Variants in AKAP9 observed in about 807,000 individuals in gnomAD.
The protein encoded by AKAP9 is A-kinase anchoring protein 9.
Under a neutral mutation model 488.5 loss-of-function variants are expected in AKAP9, and 311 were observed. The observed-to-expected ratio is 0.64, with a 90% CI of 0.58 to 0.70. The LOEUF (loss-of-function observed/expected upper bound fraction) is 0.70. Ranked by LOEUF, AKAP9 falls within the 30% of genes least tolerant of loss-of-function variation. The pLI is 0.00. For synonymous variants in AKAP9, 1,462 were observed against 1,483.5 expected (o/e 0.99, Z 0.33); for missense variants, 4,215 against 4,374.5 (o/e 0.96, Z 1.03).
intron 30 of AKAP9, among the ~76,000 whole-genome samples, chr7:92,078,778 G>C (rs996520282): frequency 2.6e-5 from 4 of 152,086 alleles, no homozygotes; most frequent in Admixed American, 2.6e-4. Context: ...GCCATCGGTT[G>C]TAGACTTTAT....
At chr7:92,011,846 G>A (rs182820429) in intron 8 of AKAP9, among the ~76,000 whole-genome samples, 49 of 152,302 alleles carry the variant, frequency 3.2e-4, no homozygotes, top group African/African-American at 1.1e-3. Flanking sequence ...GGGTGCGGTG[G>A]CTCATACCTG....
chr7:91,942,251 G>A (rs1470559616), intron 1 of AKAP9, among the ~76,000 whole-genome samples: 1 of 152,076 alleles, frequency 6.6e-6, no homozygotes, highest in African/African-American at 2.4e-5. Flanking sequence ...TATTATCAAT[G>A]AAGGGCCATA....
intron 31 of AKAP9, among the ~76,000 whole-genome samples, chr7:92,080,873 C>T (rs772493514): frequency 9.9e-5 from 15 of 152,116 alleles, no homozygotes; most frequent in Non-Finnish European, 2.2e-4. Flanking sequence ...TATTATACTC[C>T]TAAGATACGT....
chr7:92,059,610 T>TGGGGA (rs1257583736), intron 22 of AKAP9, among the ~76,000 whole-genome samples: 3 of 151,864 alleles, frequency 2.0e-5, no homozygotes, highest in Non-Finnish European at 4.4e-5. Flanking sequence ...TTCTTTGTTA[T>TGGGGA]ATCCTTATAG....
Position 92,066,417 on chromosome 7 carries a change from TA to T in AKAP9, c.6211-7del, listed in dbSNP as rs1352236620. On this transcript the variant is annotated splice_polypyrimidine_tract_variant and intron_variant, in intron 25 of 49. Transcript: ENST00000356239. Reference sequence around the variant, plus strand: ...CTTCAGCTACTATCATTATTGTCATTAAACTTTAGGAGCAAGCCATTGACAG... The same window carrying T: ...CTTCAGCTACTATCATTATTGTCATTAACTTTAGGAGCAAGCCATTGACAG... The T allele has an allele frequency of 6.2e-7, 1 of 1,612,788 alleles. No homozygotes were observed. The highest frequency in any genetic ancestry group is 1.1e-5 in the South Asian group (1 of 91,026).
intron 46 of AKAP9, among the ~76,000 whole-genome samples, chr7:92,105,317 C>A (rs913993688): frequency 6.6e-6 from 1 of 152,020 alleles, no homozygotes; most frequent in African/African-American, 2.4e-5. Context: ...TCTCATCTGC[C>A]CTTTATTCTC....
rs1276941048 is a variant in AKAP9 at position 92,099,696 on chromosome 7, G to A, written c.10723G>A (p.Val3575Met). The change falls in exon 44 of 50, where the codon GTG becomes ATG. Residue 3575 changes from valine (V) to methionine (M), a missense_variant. Transcript: ENST00000356239. ...CATTTTATTTTTCCAGCCCAGCTTG[G>A]TGTCCCCAAGTACTTCTTGTGGCTC... ...TGQQGEEPSLVSPSTSCGSLT... is the reference protein window; with the variant it reads ...TGQQGEEPSLMSPSTSCGSLT... The A allele has an allele frequency of 1.9e-6, 3 of 1,613,840 alleles. No homozygotes were observed. Among genetic ancestry groups the A allele is most frequent in the Non-Finnish European group, 2.5e-6 (3 of 1,179,894 alleles).
Position 92,104,205 on chromosome 7 carries a change from T to A in AKAP9, c.11330+1379T>A, listed in dbSNP as rs974332876. Among the ~76,000 whole-genome samples the A allele has an allele frequency of 1.0e-3, 158 of 150,968 alleles. 1 individual carries two copies. Among genetic ancestry groups the A allele is most frequent in the African/African-American group, 3.6e-3 (148 of 41,276 alleles). On this transcript the variant is annotated intron_variant, in intron 46 of 49. Transcript: ENST00000356239. Reference sequence around the variant, plus strand: ...TTATTTATTTATTTTTTTTTTTTTTTTTTGAGACAGAGTCTTGCTCTGTCG... The same window carrying A: ...TTATTTATTTATTTTTTTTTTTTTTATTTGAGACAGAGTCTTGCTCTGTCG...
At chr7:92,046,825 G>C (rs747724361) in intron 21 of AKAP9, among the ~76,000 whole-genome samples, 6 of 152,166 alleles carry the variant, frequency 3.9e-5, no homozygotes, top group Non-Finnish European at 5.9e-5. Flanking sequence ...TTTAGGGAGG[G>C]ATTTTGCTGT....
At chr7:91,974,700 A>G (rs1429560241) in intron 2 of AKAP9, among the ~76,000 whole-genome samples, 1 of 152,132 alleles carries the variant, frequency 6.6e-6, no homozygotes, top group Admixed American at 6.5e-5. Flanking sequence ...GAGTTTTGTC[A>G]TCTTAACAAT....
chr7:92,058,213 C>CTCGTG (rs1809147127), intron 22 of AKAP9: 1 of 592,900 alleles, frequency 1.7e-6, no homozygotes, highest in Non-Finnish European at 3.4e-6. Flanking sequence ...AAGTCAGTGG[C>CTCGTG]TCGTGGTTAG....
Position 92,044,990 on chromosome 7 carries a change from G to C in AKAP9, c.5163-18G>C. 1 of 1,579,264 alleles carries C rather than the reference G, an allele frequency of 6.3e-7. No homozygotes were observed. Among genetic ancestry groups the C allele is most frequent in the South Asian group, 1.1e-5 (1 of 90,300 alleles). ...AAAAATATTAAACATTTTAATCAGT[G>C]CTTCTTTATCTATACAGGTATGCAC... is the stretch of plus-strand genomic sequence containing the variant. On this transcript the variant is annotated intron_variant, in intron 20 of 49. Coordinates refer to ENST00000356239, the MANE Select transcript of AKAP9 (RefSeq NM_005751.5).
intron 1 of AKAP9, among the ~76,000 whole-genome samples, chr7:91,946,659 CCA>C (rs1791488593): frequency 6.6e-6 from 1 of 152,118 alleles, no homozygotes; most frequent in Admixed American, 6.5e-5. Flanking sequence ...TAGGGGTGAC[CCA>C]CTGCACCCAG....
At chr7:92,050,842 T>C (rs1466260243) in intron 21 of AKAP9, among the ~76,000 whole-genome samples, 1 of 152,144 alleles carries the variant, frequency 6.6e-6, no homozygotes, top group African/African-American at 2.4e-5. Flanking sequence ...CTGTATACTT[T>C]TTCCTGATTT....
At chr7:92,059,112 C>T (rs980044800) in intron 22 of AKAP9, among the ~76,000 whole-genome samples, 4 of 151,822 alleles carry the variant, frequency 2.6e-5, no homozygotes, top group Admixed American at 1.3e-4. Flanking sequence ...TTTAACAAGC[C>T]AGATGGTTTT....
intron 18 of AKAP9, 82 bp from the exon 19 acceptor site, chr7:92,041,964 G>T (rs1584281019): frequency 1.3e-6 from 2 of 1,488,256 alleles, no homozygotes; most frequent in Non-Finnish European, 9.2e-7. Flanking sequence ...TGGTCCCGGG[G>T]GTTAAAAGAA....
chr7:91,998,244 G>A (rs892355992), intron 7 of AKAP9, among the ~76,000 whole-genome samples: 42 of 151,920 alleles, frequency 2.8e-4, no homozygotes, highest in African/African-American at 1.0e-3. Flanking sequence ...GGCCCCAACC[G>A]GTACCGGGTC....
At chr7:91,980,263 A>G in intron 2 of AKAP9, 26 bp from the exon 3 acceptor site, 2 of 1,489,718 alleles carry the variant, frequency 1.3e-6, no homozygotes, top group South Asian at 1.2e-5. Flanking sequence ...AGTCATAATT[A>G]TATTTGGTTT....
chr7:92,035,988 C>G (rs1330379683), intron 16 of AKAP9, among the ~76,000 whole-genome samples: 1 of 149,632 alleles, frequency 6.7e-6, no homozygotes, highest in Admixed American at 6.6e-5. Context: ...AATCTTATTT[C>G]TTTTTGAAGA....
Sources: gnomAD v4.1 joint callset for allele counts (sites outside exome capture counted in the v4.1 genomes callset) on GRCh38, gnomAD v4.1.1 for gene constraint, MANE v1.5 for transcripts, NCBI Gene and HGNC (gene_info 2026-07-23, HGNC 2026-07-21) for gene names.